Variants in SCG3 observed in about 807,000 individuals in gnomAD.
The protein encoded by SCG3 is secretogranin III.
Under a neutral mutation model 56.2 loss-of-function variants are expected in SCG3, and 38 were observed. The observed-to-expected ratio is 0.68, with a 90% CI of 0.52 to 0.89. SCG3 has a LOEUF of 0.89. Among genes scored for constraint, SCG3 ranks in the 40% least tolerant of loss-of-function variants. The pLI is 0.00. For synonymous variants in SCG3, 176 were observed against 184.2 expected, an observed-to-expected ratio of 0.96 and a Z score of 0.36; for missense variants, 524 against 540.7, an observed-to-expected ratio of 0.97 and a Z score of 0.31.
Position 51,713,872 on chromosome 15 carries a change from G to T in SCG3, c.1288+459G>T, listed in dbSNP as rs76111536. 7.0e-3 allele frequency among the ~76,000 whole-genome samples: 1,068 copies of T among 152,276 alleles called. 22 individuals carry two copies. Among genetic ancestry groups the T allele is most frequent in the East Asian group, 0.061 (315 of 5,182 alleles). ...GAACCAGGCCCTGTTCTAAGTGCCA[G>T]AGATGTCCCGCCCAAGGAATGCACA... On this transcript the variant is annotated intron_variant, in intron 11 of 11. Coordinates refer to ENST00000220478, the MANE Select transcript of SCG3 (RefSeq NM_013243.4).
chr15:51,713,108 T>C (rs1476619975), intron 10 of SCG3: 4 of 340,104 alleles, frequency 1.2e-5, no homozygotes, highest in African/African-American at 6.7e-5. Context: ...ACCAACTTGA[T>C]TCTTCCTCCT....
At chr15:51,703,983 T>G (rs1475921226) in intron 10 of SCG3, among the ~76,000 whole-genome samples, 1 of 151,906 alleles carries the variant, frequency 6.6e-6, no homozygotes, top group Non-Finnish European at 1.5e-5. Flanking sequence ...ATGTGTCAAC[T>G]CCAATTGTTT....
At chr15:51,692,090 A>G in intron 6 of SCG3, 69 bp from the exon 7 acceptor site, 2 of 1,431,454 alleles carry the variant, frequency 1.4e-6, no homozygotes, top group South Asian at 2.7e-5. Flanking sequence ...TCACAAAGGA[A>G]GGAATCAAGC....
intron 10 of SCG3, among the ~76,000 whole-genome samples, chr15:51,710,467 T>C (rs189450392): frequency 6.6e-6 from 1 of 152,224 alleles, no homozygotes; most frequent in Admixed American, 6.5e-5. Flanking sequence ...GAGTTGATAA[T>C]GTTGATATAG....
intron 10 of SCG3, among the ~76,000 whole-genome samples, chr15:51,706,333 A>G (rs2055375618): frequency 6.6e-6 from 1 of 152,222 alleles, no homozygotes; most frequent in African/African-American, 2.4e-5. Flanking sequence ...TGAGGACTCA[A>G]GCAAGCTTTG....
chr15:51,682,157 A>G (rs544336528), intron 1 of SCG3, among the ~76,000 whole-genome samples: 1 of 152,290 alleles, frequency 6.6e-6, no homozygotes, highest in East Asian at 1.9e-4. Context: ...TTCATTATAT[A>G]TGCAGTATAT....
intron 11 of SCG3, 125 bp from the exon 12 acceptor site, chr15:51,719,283 C>T (rs1267369480): frequency 1.0e-5 from 7 of 679,094 alleles, no homozygotes; most frequent in South Asian, 3.7e-5. Flanking sequence ...AAATGCCTCC[C>T]GATGTGAAAG....
At chr15:51,711,149 T>C (rs1274443582) in intron 10 of SCG3, among the ~76,000 whole-genome samples, 1 of 152,244 alleles carries the variant, frequency 6.6e-6, no homozygotes, top group Non-Finnish European at 1.5e-5. Context: ...AGGAAGCTGA[T>C]GCATTGATCT....
chr15:51,710,654 T>C (rs1057379547), intron 10 of SCG3, among the ~76,000 whole-genome samples: 1 of 152,082 alleles, frequency 6.6e-6, no homozygotes, highest in Non-Finnish European at 1.5e-5. Flanking sequence ...TGGTGCAATC[T>C]TGGCTCACTG....
At chr15:51,685,589 C>G (rs1364415065) in intron 4 of SCG3, among the ~76,000 whole-genome samples, 1 of 152,168 alleles carries the variant, frequency 6.6e-6, no homozygotes, top group Non-Finnish European at 1.5e-5. Context: ...TCTGGTCTCC[C>G]CTTGTGCTCT....
At chr15:51,699,829 G>C (rs1225296968) in intron 9 of SCG3, among the ~76,000 whole-genome samples, 2 of 151,940 alleles carry the variant, frequency 1.3e-5, no homozygotes. Context: ...TCTCCCCTGG[G>C]ATGGTCTGTG....
At chr15:51,718,001 G>A (rs2055469247) in intron 11 of SCG3, among the ~76,000 whole-genome samples, 1 of 152,330 alleles carries the variant, frequency 6.6e-6, no homozygotes, top group South Asian at 2.1e-4. Context: ...AATCAGATTA[G>A]AGTCCTGCCT....
At chr15:51,706,595 T>C (rs1449685024) in intron 10 of SCG3, among the ~76,000 whole-genome samples, 2 of 152,132 alleles carry the variant, frequency 1.3e-5, no homozygotes, top group Non-Finnish European at 2.9e-5. Context: ...GGCCTTGCGG[T>C]GTGTGAGGTG....
chr15:51,681,924 C>T (rs2141555013), intron 1 of SCG3, 87 bp downstream of exon 1: 1 of 993,324 alleles, frequency 1.0e-6, no homozygotes, highest in Non-Finnish European at 1.6e-6. Context: ...CTGTAAATCA[C>T]CCTGACGCGT....
chr15:51,697,047 C>CA (rs1595833510), intron 8 of SCG3, among the ~76,000 whole-genome samples: 1 of 151,538 alleles, frequency 6.6e-6, no homozygotes, highest in East Asian at 1.9e-4. Flanking sequence ...TCATTCAATG[C>CA]AAAAAATCCT....
chr15:51,700,099 T>C (rs74517643), intron 9 of SCG3, among the ~76,000 whole-genome samples: 3,235 of 152,326 alleles, frequency 0.021, 98 homozygotes, highest in East Asian at 0.095. Context: ...ATATACATAT[T>C]CTTGATGGCA....
At chr15:51,686,466 T>G (rs1001020987) in intron 4 of SCG3, among the ~76,000 whole-genome samples, 5 of 152,166 alleles carry the variant, frequency 3.3e-5, no homozygotes, top group African/African-American at 1.2e-4. Flanking sequence ...GCAACCAATA[T>G]TCCTCCTTTT....
chr15:51,697,476 A>G (rs1012555380), intron 8 of SCG3, among the ~76,000 whole-genome samples: 2 of 152,236 alleles, frequency 1.3e-5, no homozygotes, highest in Non-Finnish European at 2.9e-5. Context: ...CAGAATTTAA[A>G]ATCTAGTTTC....
At chr15:51,703,036 C>T (rs1689487099) in intron 10 of SCG3, among the ~76,000 whole-genome samples, 1 of 151,988 alleles carries the variant, frequency 6.6e-6, no homozygotes, top group South Asian at 2.1e-4. Context: ...GGTGGAGGAA[C>T]CCAGCCAATT....
Sources: gnomAD v4.1 joint callset for allele counts (sites outside exome capture counted in the v4.1 genomes callset) on GRCh38, gnomAD v4.1.1 for gene constraint, MANE v1.5 for transcripts, NCBI Gene and HGNC (gene_info 2026-07-23, HGNC 2026-07-21) for gene names.